The following CEP112 variants were observed in gnomAD, a reference collection of about 807,000 sequenced individuals.
CEP112 encodes the protein centrosomal protein 112.
A neutral mutation model predicts 153.0 loss-of-function variants in CEP112; 127 were observed. The ratio of observed to expected loss-of-function variants is 0.83; its 90% CI spans 0.72 to 0.96. The LOEUF (loss-of-function observed/expected upper bound fraction) is 0.96. Ranked by LOEUF, CEP112 falls within the 40% of genes least tolerant of loss-of-function variation. The probability of loss-of-function intolerance (pLI) is 0.00; values close to 1 mark genes in which losing one functional copy is unlikely to be tolerated. For synonymous variants in CEP112, 358 were observed against 374.4 expected, an observed-to-expected ratio of 0.96 and a Z score of 0.51; for missense variants, 1,089 against 1,101.2, an observed-to-expected ratio of 0.99 and a Z score of 0.16.
chr17:66,044,080 T>C (rs2145858166), intron 12 of CEP112, among the ~76,000 whole-genome samples: 1 of 152,302 alleles, frequency 6.6e-6, no homozygotes, highest in African/African-American at 2.4e-5. Flanking sequence ...TGAATGCTAA[T>C]TTTTAAAATT....
rs536855070 is a variant in CEP112, at chr17:66,007,835, T to G, written c.1657-2066A>C. 2.0e-5 allele frequency among the ~76,000 whole-genome samples: 3 copies of G among 152,336 alleles called. No individual in the cohort carries two copies. In the East Asian group the frequency reaches 5.8e-4, roughly 29 times the overall value. ...TATACATATTCACCTCTCCTTTTGCTTTAATCGTTCTTTCTTAGTCAAGTT... is the reference window on the plus strand; with the variant it reads ...TATACATATTCACCTCTCCTTTTGCGTTAATCGTTCTTTCTTAGTCAAGTT... On this transcript the variant is annotated intron_variant, in intron 16 of 26. Transcript: ENST00000535342.
intron 17 of CEP112, among the ~76,000 whole-genome samples, chr17:66,002,128 CCTT>C (rs1273604583): frequency 2.0e-5 from 3 of 152,186 alleles, no homozygotes; most frequent in African/African-American, 7.2e-5. Context: ...CTACAATCCT[CCTT>C]CTTAAATAAT....
In CEP112 at chr17:66,029,175, T is replaced by C. The variant is rs778020781; in HGVS notation, c.1451A>G (p.Tyr484Cys). 6.2e-6 allele frequency: 10 copies of C among 1,610,010 alleles called. No homozygotes were observed. The highest frequency in any genetic ancestry group is 7.6e-6 in the Non-Finnish European group (9 of 1,176,818). Residue 484 changes from tyrosine (Y) to cysteine (C), a missense_variant, in exon 14 of 27, where the codon TAT (tyrosine) becomes TGT (cysteine). Transcript: ENST00000535342. ...TTTTAGAAGGTTTATATCAGCATCA[T>C]ATTTGGTTTGTAACAGTTTCATGTT... ...EQNMKLLQTKYDADINLLKQE... is the reference protein window; with the variant it reads ...EQNMKLLQTKCDADINLLKQE...
chr17:66,106,072 G>C lies in CEP112; in HGVS notation c.643-9440C>G, dbSNP rs548346226. ...ACCCATGGGTCAATAAAGAAATAAA[G>C]AAGGAAATAAAGAAGGAAAATTTTC... On this transcript the variant is annotated intron_variant, in intron 6 of 26. Transcript: ENST00000535342. Among the ~76,000 whole-genome samples, 12 of 151,810 alleles carry C rather than the reference G, an allele frequency of 7.9e-5. No homozygotes were observed. The East Asian group carries it at 2.3e-3, about 29-fold the overall frequency.
chr17:65,847,406 A>G (rs1409209694), intron 21 of CEP112, among the ~76,000 whole-genome samples: 4 of 152,176 alleles, frequency 2.6e-5, no homozygotes, highest in African/African-American at 9.7e-5. Flanking sequence ...GTTCAGCTGG[A>G]AGCCTGTTTC....
In CEP112 at chr17:65,684,255, G is replaced by A. The variant is rs187622300; in HGVS notation, c.2697+4874C>T. Among the ~76,000 whole-genome samples the A allele has an allele frequency of 3.6e-4, 55 of 152,286 alleles. No individual in the cohort carries two copies. In the East Asian group the frequency reaches 9.3e-3, roughly 26 times the overall value. On this transcript the variant is annotated intron_variant, in intron 24 of 26. Transcript: ENST00000535342. Reference sequence around the variant, plus strand: ...TGAGTAAAAAAAGACTGAGTCTCCTGTGAAACACTCAGCATTGTATTTTAT... The same window carrying A: ...TGAGTAAAAAAAGACTGAGTCTCCTATGAAACACTCAGCATTGTATTTTAT...
chr17:65,963,930 G>C (rs995732770), intron 17 of CEP112, among the ~76,000 whole-genome samples: 4 of 152,098 alleles, frequency 2.6e-5, no homozygotes, highest in African/African-American at 9.7e-5. Flanking sequence ...CTAAATCCCT[G>C]TTCCTTTATG....
chr17:65,833,858 T>C (rs947084137), intron 21 of CEP112, among the ~76,000 whole-genome samples: 2 of 152,196 alleles, frequency 1.3e-5, no homozygotes, highest in Non-Finnish European at 2.9e-5. Flanking sequence ...TATTTCAATA[T>C]TCATATGAAA....
chr17:66,177,874 T>C (rs996648521), intron 2 of CEP112, among the ~76,000 whole-genome samples: 14 of 152,188 alleles, frequency 9.2e-5, no homozygotes, highest in African/African-American at 3.4e-4. Flanking sequence ...CCAGCCATGT[T>C]GTTGCAAATG....
intron 24 of CEP112, among the ~76,000 whole-genome samples, chr17:65,642,755 C>T (rs963206211): frequency 7.2e-5 from 11 of 152,096 alleles, no homozygotes; most frequent in Admixed American, 2.0e-4. Flanking sequence ...CAAAGCAAAA[C>T]GCATGCTTTA....
intron 8 of CEP112, among the ~76,000 whole-genome samples, chr17:66,071,170 T>G (rs973949565): frequency 4.6e-5 from 7 of 152,174 alleles, no homozygotes; most frequent in Non-Finnish European, 8.8e-5. Context: ...ATATATCATA[T>G]TAACATATCA....
chr17:65,915,920 C>CTGTA (rs552029795), intron 19 of CEP112, among the ~76,000 whole-genome samples: 129 of 151,992 alleles, frequency 8.5e-4, no homozygotes, highest in Non-Finnish European at 1.4e-3. Context: ...CTACCCTGTA[C>CTGTA]TGTACTTTGG....
At chr17:66,072,027 T>G (rs1273125813) in intron 8 of CEP112, among the ~76,000 whole-genome samples, 6 of 152,176 alleles carry the variant, frequency 3.9e-5, no homozygotes, top group Admixed American at 3.9e-4. Flanking sequence ...TAAAGAAAAG[T>G]TGCAATAATA....
intron 23 of CEP112, among the ~76,000 whole-genome samples, chr17:65,719,918 TGGA>T (rs1260336213): frequency 2.0e-5 from 3 of 151,684 alleles, no homozygotes; most frequent in Non-Finnish European, 2.9e-5. Flanking sequence ...GGATGTGGTG[TGGA>T]GGAGAGGTTG....
chr17:65,703,814 CAA>C lies in CEP112; in HGVS notation c.2608-14598_2608-14597del, dbSNP rs5821580. ...CTTTAATCTAACAAATTAAAATGTA[CAA>C]AAAAAAAAACCCAGAAAAACAAGTT... On this transcript the variant is annotated intron_variant, in intron 23 of 26. Coordinates refer to ENST00000535342, the MANE Select transcript of CEP112 (RefSeq NM_001199165.4). Among the ~76,000 whole-genome samples the C allele has an allele frequency of 1.7e-3, 245 of 143,996 alleles. 1 individual carries two copies. Among genetic ancestry groups the C allele is most frequent in the African/African-American group, 5.4e-3 (214 of 39,628 alleles). The allele number at this position is 143,996 out of a possible 152,430, so 94.5% of individuals were successfully genotyped here.
At position 65,715,505 on chromosome 17, in the gene CEP112, C is replaced by T. The variant is rs1027739497; in HGVS notation, c.2608-26287G>A. On this transcript the variant is annotated intron_variant, in intron 23 of 26. Transcript: ENST00000535342. ...TTGCTCCGTCGCTCAGGCTGGAGTGCAGTGGTGTGATCTCGGCTCACTGCA... is the reference window on the plus strand; with the variant it reads ...TTGCTCCGTCGCTCAGGCTGGAGTGTAGTGGTGTGATCTCGGCTCACTGCA... Among the ~76,000 whole-genome samples the T allele has an allele frequency of 2.0e-5, 3 of 151,932 alleles. No homozygotes were observed. In the East Asian group the frequency reaches 5.8e-4, roughly 29 times the overall value.
At chr17:66,112,123 T>A (rs1387950316) in intron 6 of CEP112, among the ~76,000 whole-genome samples, 2 of 151,860 alleles carry the variant, frequency 1.3e-5, no homozygotes, top group Non-Finnish European at 2.9e-5. Flanking sequence ...AAACCCCATC[T>A]CTACCGAAAA....
At chr17:65,882,346 A>G (rs1170381612) in intron 20 of CEP112, among the ~76,000 whole-genome samples, 5 of 152,244 alleles carry the variant, frequency 3.3e-5, no homozygotes, top group African/African-American at 1.2e-4. Context: ...CATCTTCAAC[A>G]GCTAGCAATG....
chr17:66,173,593 C>T (rs1280393267), intron 4 of CEP112, among the ~76,000 whole-genome samples: 2 of 152,140 alleles, frequency 1.3e-5, no homozygotes, highest in Non-Finnish European at 2.9e-5. Context: ...GGACTCTTAG[C>T]AGATATTTTG....
Sources: allele counts gnomAD v4.1 joint callset (sites outside exome capture counted in the v4.1 genomes callset), GRCh38; gene constraint gnomAD v4.1.1; transcripts MANE v1.5; gene names NCBI Gene and HGNC (gene_info 2026-07-23, HGNC 2026-07-21).